The following MYPN variants were observed in gnomAD, a reference collection of about 807,000 sequenced individuals.
The protein encoded by MYPN is sarcomeric protein myopalladin, 145 kDa (MYOP).
In MYPN, 63 loss-of-function variants were observed where a neutral mutation model predicts 129.4. The observed-to-expected ratio is 0.49, with a 90% CI of 0.40 to 0.60. The LOEUF is 0.60. Ranked by LOEUF, MYPN falls within the 20% of genes least tolerant of loss-of-function variation. MYPN has a pLI of 0.00. For synonymous variants in MYPN, 629 were observed against 600.9 expected (o/e 1.05, Z -0.68); for missense variants, 1,596 against 1,635.4 (o/e 0.98, Z 0.42).
At chr10:68,192,448 C>T (rs954520020) in intron 13 of MYPN, among the ~76,000 whole-genome samples, 4 of 148,844 alleles carry the variant, frequency 2.7e-5, no homozygotes, top group Non-Finnish European at 4.5e-5. Flanking sequence ...GGAATATTTA[C>T]CTGTAGTTCT....
At chr10:68,154,393 G>C (rs2042832216) in intron 6 of MYPN, among the ~76,000 whole-genome samples, 1 of 152,150 alleles carries the variant, frequency 6.6e-6, no homozygotes, top group Non-Finnish European at 1.5e-5. Context: ...GGGGAAGCGA[G>C]AATTTGAAAA....
chr10:68,162,513 T>C (rs1196617875), intron 8 of MYPN, among the ~76,000 whole-genome samples: 1 of 152,220 alleles, frequency 6.6e-6, no homozygotes, highest in Non-Finnish European at 1.5e-5. Flanking sequence ...TACGACGAGA[T>C]ACAAGTGACA....
At position 68,165,736 on chromosome 10, in the gene MYPN, T is replaced by G. The variant is rs780297988; in HGVS notation, c.1518T>G (p.Phe506Leu). 4.0e-5 allele frequency: 64 copies of G among 1,614,106 alleles called. No homozygotes were observed. Among genetic ancestry groups the G allele is most frequent in the Non-Finnish European group, 4.9e-5 (58 of 1,180,032 alleles). Residue 506 changes from phenylalanine (F) to leucine (L), a missense_variant, in exon 9 of 20, where the codon TTT (phenylalanine) becomes TTG (leucine). Phe to Leu is a conservative substitution (Grantham distance 22). Coordinates refer to ENST00000358913, the MANE Select transcript of MYPN (RefSeq NM_032578.4). Reference sequence around the variant, plus strand: ...GCACCTTGGTCATTGCTGAGGTGTTTGCAGAAGATTCTGGGTGCTTCACAT... The same window carrying G: ...GCACCTTGGTCATTGCTGAGGTGTTGGCAGAAGATTCTGGGTGCTTCACAT... ...EICTLVIAEV[F>L]AEDSGCFTCT...
intron 18 of MYPN, among the ~76,000 whole-genome samples, chr10:68,206,398 T>C (rs2043816080): frequency 6.6e-6 from 1 of 152,224 alleles, no homozygotes; most frequent in Non-Finnish European, 1.5e-5. Context: ...ATCCACCCCC[T>C]GGCTCTATTT....
At chr10:68,136,833 A>G in intron 2 of MYPN, 1 of 1,242,512 alleles carries the variant, frequency 8.0e-7, no homozygotes, top group Non-Finnish European at 1.1e-6. Flanking sequence ...TGTTTTATCA[A>G]GTTAATAGAG....
intron 10 of MYPN, among the ~76,000 whole-genome samples, chr10:68,171,276 CAGACA>C (rs1176693243): frequency 6.6e-6 from 1 of 152,144 alleles, no homozygotes; most frequent in Non-Finnish European, 1.5e-5. Context: ...GAGATAATGT[CAGACA>C]AAAGTCAGAA....
At chr10:68,201,327 G>A (rs532085809) in intron 17 of MYPN, among the ~76,000 whole-genome samples, 5 of 152,262 alleles carry the variant, frequency 3.3e-5, no homozygotes, top group Admixed American at 1.3e-4. Flanking sequence ...CATTTATGAA[G>A]CTTTTATCAA....
At chr10:68,193,695 AGAG>A (rs971980271) in intron 13 of MYPN, among the ~76,000 whole-genome samples, 2 of 152,196 alleles carry the variant, frequency 1.3e-5, no homozygotes, top group African/African-American at 4.8e-5. Context: ...CAGGAAAAGT[AGAG>A]GAGGACAGCT....
intron 2 of MYPN, among the ~76,000 whole-genome samples, chr10:68,133,948 C>CA (rs1250385394): frequency 2.0e-5 from 3 of 151,806 alleles, no homozygotes; most frequent in South Asian, 2.1e-4. Context: ...CCAACCTCCA[C>CA]AAAAAAGCAA....
At chr10:68,132,811 A>T (rs1009471701) in intron 2 of MYPN, among the ~76,000 whole-genome samples, 22 of 152,188 alleles carry the variant, frequency 1.4e-4, no homozygotes, top group African/African-American at 5.3e-4. Context: ...ACTGAAAAGT[A>T]TCATTTGATT....
At chr10:68,090,073 C>T (rs1305543352) in intron 1 of MYPN, among the ~76,000 whole-genome samples, 2 of 152,140 alleles carry the variant, frequency 1.3e-5, no homozygotes, top group African/African-American at 4.8e-5. Flanking sequence ...ATCCGACTTT[C>T]AGTGTTAGAC....
chr10:68,131,596 C>T (rs751538100), intron 2 of MYPN, among the ~76,000 whole-genome samples: 24 of 152,164 alleles, frequency 1.6e-4, no homozygotes, highest in Non-Finnish European at 2.9e-4. Context: ...TTACTGTAAT[C>T]TTGAACTCCC....
At chr10:68,196,607 C>A (rs2043611443) in intron 15 of MYPN, among the ~76,000 whole-genome samples, 1 of 151,378 alleles carries the variant, frequency 6.6e-6, no homozygotes, top group African/African-American at 2.4e-5. Context: ...CCTCAGCCTT[C>A]CAAGTAATTG....
chr10:68,143,874 C>A (rs904825444), intron 3 of MYPN, among the ~76,000 whole-genome samples: 1 of 152,138 alleles, frequency 6.6e-6, no homozygotes, highest in Non-Finnish European at 1.5e-5. Flanking sequence ...CGTGCCCCAG[C>A]CCCCCGAATA....
At chr10:68,173,241 C>A (rs2043169353) in intron 10 of MYPN, among the ~76,000 whole-genome samples, 1 of 152,154 alleles carries the variant, frequency 6.6e-6, no homozygotes, top group African/African-American at 2.4e-5. Context: ...AAGGTCGGCT[C>A]TAAAACAAGG....
chr10:68,189,405 AC>A (rs1589603142), intron 13 of MYPN, among the ~76,000 whole-genome samples: 1 of 152,318 alleles, frequency 6.6e-6, no homozygotes, highest in East Asian at 1.9e-4. Flanking sequence ...TTTGAAATAT[AC>A]AAGTTATTAT....
At chr10:68,198,865 G>T (rs1040063696) in intron 16 of MYPN, among the ~76,000 whole-genome samples, 12 of 151,818 alleles carry the variant, frequency 7.9e-5, no homozygotes, top group Non-Finnish European at 1.2e-4. Flanking sequence ...CTGTTGGGGG[G>T]ATGGGAGGGG....
chr10:68,210,201 G>A (rs189943963), intron 19 of MYPN, 85 bp from the exon 20 acceptor site: 82 of 1,467,744 alleles, frequency 5.6e-5, no homozygotes, highest in Non-Finnish European at 7.4e-5. Flanking sequence ...AGGGAGAATC[G>A]GGGTGAGGAC....
intron 19 of MYPN, among the ~76,000 whole-genome samples, chr10:68,208,166 C>A (rs559051713): frequency 6.6e-5 from 10 of 152,004 alleles, no homozygotes; most frequent in African/African-American, 2.4e-4. Context: ...TTTTTTAATC[C>A]TTTTTGAAAA....
Sources: allele counts gnomAD v4.1 joint callset (sites outside exome capture counted in the v4.1 genomes callset), GRCh38; gene constraint gnomAD v4.1.1; transcripts MANE v1.5; gene names NCBI Gene and HGNC (gene_info 2026-07-23, HGNC 2026-07-21).